SPOP: variants seen among roughly 807,000 people sequenced by gnomAD.
SPOP encodes speckle type BTB/POZ protein.
A neutral mutation model predicts 45.6 loss-of-function variants in SPOP; 11 were observed. That is an observed-to-expected ratio of 0.24 (90% CI 0.15 to 0.40). The LOEUF is 0.40. SPOP is among the 10% of genes least tolerant of loss of function. The probability of loss-of-function intolerance (pLI) is 1.00; values close to 1 mark genes in which losing one functional copy is unlikely to be tolerated. For missense variants in SPOP, 152 were observed against 465.6 expected (o/e 0.33, Z 6.20); for synonymous variants, 166 against 166.3 (o/e 1.00, Z 0.01).
At chr17:49,620,238 C>T (rs945948570) in intron 3 of SPOP, among the ~76,000 whole-genome samples, 3 of 151,848 alleles carry the variant, frequency 2.0e-5, no homozygotes, top group Non-Finnish European at 2.9e-5. Context: ...GTAATCCCAG[C>T]ACTTTGGGAG....
intron 1 of SPOP, among the ~76,000 whole-genome samples, chr17:49,663,091 C>G (rs1234133539): frequency 1.3e-5 from 2 of 152,230 alleles, no homozygotes; most frequent in Non-Finnish European, 2.9e-5. Context: ...TCCCCAGCCC[C>G]AGGGCGGCAG....
At chr17:49,623,845 CTCAA>C (rs1219908298) in intron 1 of SPOP, among the ~76,000 whole-genome samples, 1 of 151,960 alleles carries the variant, frequency 6.6e-6, no homozygotes, top group African/African-American at 2.4e-5. Context: ...TCATTTAATC[CTCAA>C]TCATTTTCTC....
chr17:49,678,136 A>G, upstream of SPOP: 1 of 394,208 alleles, frequency 2.5e-6, no homozygotes. Context: ...GCGTACCGCC[A>G]GACCCCACCC....
intron 1 of SPOP, among the ~76,000 whole-genome samples, chr17:49,664,662 C>T (rs930694319): frequency 2.0e-5 from 3 of 152,158 alleles, no homozygotes; most frequent in Non-Finnish European, 4.4e-5. Context: ...CAAAACTGCT[C>T]TGTTTGTACC....
rs373883440 is a variant in SPOP, at chr17:49,610,706, C to T, written c.658+574G>A. ...GTCTTATGGTCTTAAGAGAAGTATA[C>T]GGTGATTGTTACCCTTCCCTGGGCG... On this transcript the variant is annotated intron_variant, in intron 6 of 9. Coordinates refer to ENST00000504102, the MANE Select transcript of SPOP (RefSeq NM_001007228.2). Among the ~76,000 whole-genome samples, 9 of 152,280 alleles carry T rather than the reference C, an allele frequency of 5.9e-5. No homozygotes were observed. In the East Asian group the frequency reaches 1.2e-3, roughly 20 times the overall value.
chr17:49,622,074 A>T lies in SPOP; in HGVS notation c.79-7T>A. On this transcript the variant is annotated splice_region_variant and splice_polypyrimidine_tract_variant and intron_variant, in intron 2 of 9. Transcript: ENST00000504102. Reference sequence around the variant, plus strand: ...AGAATTTCACTACCTTGATCTGTTGATAGAAAAACAGGAAGCAATTAAATA... The same window carrying T: ...AGAATTTCACTACCTTGATCTGTTGTTAGAAAAACAGGAAGCAATTAAATA... 6.2e-7 allele frequency: 1 copy of T among 1,612,426 alleles called. No individual in the cohort carries two copies. The highest frequency in any genetic ancestry group is 1.1e-5 in the South Asian group (1 of 90,620).
chr17:49,667,298 A>AC (rs2073074790), intron 1 of SPOP, among the ~76,000 whole-genome samples: 1 of 151,238 alleles, frequency 6.6e-6, no homozygotes, highest in Non-Finnish European at 1.5e-5. Flanking sequence ...AGCCTTAAAA[A>AC]AAAAAAAAAG....
chr17:49,614,553 G>A (rs1448792134), intron 5 of SPOP, among the ~76,000 whole-genome samples: 9 of 152,110 alleles, frequency 5.9e-5, no homozygotes, highest in Admixed American at 5.9e-4. Context: ...AGCATTACAG[G>A]TTAGTTCCAA....
At chr17:49,622,281 A>G in intron 2 of SPOP, 1 of 645,574 alleles carries the variant, frequency 1.5e-6, no homozygotes, top group South Asian at 1.5e-5. Flanking sequence ...GCTGCTGAGA[A>G]CACTGGATGG....
chr17:49,632,020 T>C (rs909516131), intron 1 of SPOP, among the ~76,000 whole-genome samples: 1 of 152,218 alleles, frequency 6.6e-6, no homozygotes, highest in African/African-American at 2.4e-5. Context: ...TCAACGAGAA[T>C]AGTATCCCCC....
rs550094564 is a variant in SPOP at position 49,660,213 on chromosome 17, C to G, written c.-67+17720G>C. On this transcript the variant is annotated intron_variant, in intron 1 of 9. Coordinates refer to ENST00000504102, the MANE Select transcript of SPOP (RefSeq NM_001007228.2). ...TACTTTCTCTCTTGTTCACTTAACT[C>G]CAGTCATGCTGGCCTCCTTGCTGGT... 5.9e-5 allele frequency among the ~76,000 whole-genome samples: 9 copies of G among 152,368 alleles called. No homozygotes were observed. In the South Asian group the frequency reaches 1.0e-3, roughly 18 times the overall value.
intron 1 of SPOP, among the ~76,000 whole-genome samples, chr17:49,649,807 C>A (rs994776876): frequency 1.3e-5 from 2 of 151,516 alleles, no homozygotes; most frequent in Non-Finnish European, 2.9e-5. Flanking sequence ...CCAGCCTGGG[C>A]GACAGAGAGA....
rs2143274059 is a variant in SPOP, at chr17:49,619,378, G to A, written c.208C>T (p.Arg70Ter). The A allele has an allele frequency of 6.2e-7, 1 of 1,612,042 alleles. No homozygotes were observed. The highest frequency in any genetic ancestry group is 8.5e-7 in the Non-Finnish European group (1 of 1,179,434). ...GANDKLKWCL[R>*]VNPKGLDEES... ...TCATCTAACCCTTTGGGGTTTACTCGCAAACACCTGTCCAAAACAGATAGA... is the reference window on the plus strand; with the variant it reads ...TCATCTAACCCTTTGGGGTTTACTCACAAACACCTGTCCAAAACAGATAGA... The change falls in exon 4 of 10, where the codon CGA (arginine) becomes TGA (stop). Residue 70 changes from arginine to a stop codon, truncating the protein, a stop_gained. Transcript: ENST00000504102. LOFTEE classifies it high-confidence loss of function. This position sits in a 1 kb window ranked among gnomAD's most constrained non-coding sequence, Gnocchi z 4.9.
At chr17:49,603,014 G>C (rs898513871) in intron 8 of SPOP, among the ~76,000 whole-genome samples, 1 of 152,150 alleles carries the variant, frequency 6.6e-6, no homozygotes, top group Non-Finnish European at 1.5e-5. Context: ...AGTTTGCTTT[G>C]AGGCTATGCA....
chr17:49,632,276 A>G (rs1333745595), intron 1 of SPOP, among the ~76,000 whole-genome samples: 1 of 152,220 alleles, frequency 6.6e-6, no homozygotes, highest in Non-Finnish European at 1.5e-5. Flanking sequence ...GTACATTACA[A>G]AACTATTTAT....
chr17:49,603,629 G>A (rs1229977068), intron 8 of SPOP, among the ~76,000 whole-genome samples: 2 of 152,122 alleles, frequency 1.3e-5, no homozygotes, highest in Non-Finnish European at 2.9e-5. Context: ...CAGCCTCTTG[G>A]GTAAATTCTA....
Position 49,617,916 on chromosome 17 carries a change from T to C in SPOP, c.480+1065A>G, listed in dbSNP as rs1305745002. The stretch of plus-strand genomic sequence containing the variant: ...TCTAGCCTGGGTGACAGAGCAAGAC[T>C]CCGTCTCAAAAAAAAAAAAAAAAAA... On this transcript the variant is annotated intron_variant, in intron 5 of 9. Coordinates refer to ENST00000504102, the MANE Select transcript of SPOP (RefSeq NM_001007228.2). Among the ~76,000 whole-genome samples, 4 of 118,972 alleles carry C rather than the reference T, an allele frequency of 3.4e-5. No homozygotes were observed. Among genetic ancestry groups the C allele is most frequent in the African/African-American group, 6.9e-5 (2 of 29,182 alleles). 78.1% of individuals were successfully genotyped at this position (118,972 alleles called of 152,430 possible).
intron 2 of SPOP, 80 bp downstream of exon 2, chr17:49,622,653 T>C (rs2072243230): frequency 4.1e-6 from 5 of 1,228,860 alleles, no homozygotes; most frequent in South Asian, 3.7e-5. Context: ...AGAAGCCCAA[T>C]GTAGAAAAGC....
intron 8 of SPOP, chr17:49,602,211 TA>T: frequency 1.9e-6 from 1 of 534,728 alleles, no homozygotes; most frequent in Non-Finnish European, 3.1e-6. Context: ...ACAGCTAAAG[TA>T]ACTTGGAAAG....
Sources: allele counts gnomAD v4.1 joint callset (sites outside exome capture counted in the v4.1 genomes callset), GRCh38; gene constraint gnomAD v4.1.1; non-coding constraint Gnocchi (gnomAD v3.1); transcripts MANE v1.5; gene names NCBI Gene and HGNC (gene_info 2026-07-23, HGNC 2026-07-21).